ARHGAP32: variants seen among roughly 807,000 people sequenced by gnomAD.
ARHGAP32 encodes the protein rho GTPase-activating protein 32.
Under a neutral mutation model 186.5 loss-of-function variants are expected in ARHGAP32, and 51 were observed. The observed-to-expected ratio is 0.27, with a 90% CI of 0.22 to 0.35. ARHGAP32 has a LOEUF of 0.35. Ranked by LOEUF, ARHGAP32 falls within the 10% of genes least tolerant of loss-of-function variation. The pLI is 1.00. For missense variants in ARHGAP32, 2,186 were observed against 2,623.5 expected, an observed-to-expected ratio of 0.83 and a Z score of 3.64; for synonymous variants, 950 against 964.3, an observed-to-expected ratio of 0.99 and a Z score of 0.27.
At chr11:129,202,753 C>A (rs547186811) in intron 1 of ARHGAP32, among the ~76,000 whole-genome samples, 150 of 152,220 alleles carry the variant, frequency 9.9e-4, no homozygotes, top group Admixed American at 1.7e-3. Context: ...AAGGATTGCA[C>A]CAACCCAATA....
chr11:128,972,870 C>A lies in ARHGAP32; in HGVS notation c.3636G>T (p.Leu1212Phe), dbSNP rs995950948. ...AACGGGGTGGAGACTGGTCCTGATC[C>A]AAGAAGGAGACAGTTGGCATACTGT... is the stretch of plus-strand genomic sequence containing the variant. ...GKNSMPTVSF[L>F]DQDQSPPRFY... Residue 1212 changes from leucine to phenylalanine, a missense_variant, in exon 22 of 23, where the codon TTG (leucine) becomes TTT (phenylalanine). By Grantham distance (22) the Leu-to-Phe change is conservative. Coordinates refer to ENST00000682385, the MANE Select transcript of ARHGAP32 (RefSeq NM_001378024.1). 6.2e-7 allele frequency: 1 copy of A among 1,613,894 alleles called. No homozygotes were observed. Among genetic ancestry groups the A allele is most frequent in the East Asian group, 2.2e-5 (1 of 44,846 alleles).
At chr11:129,265,260 C>T (rs1320111018) in intron 1 of ARHGAP32, among the ~76,000 whole-genome samples, 2 of 152,158 alleles carry the variant, frequency 1.3e-5, no homozygotes, top group African/African-American at 2.4e-5. Flanking sequence ...CAAACACAAA[C>T]GCACTCAAAG....
At chr11:128,973,595 C>T (rs1945457538) in intron 21 of ARHGAP32, 163 bp from the exon 22 acceptor site, 1 of 716,088 alleles carries the variant, frequency 1.4e-6, no homozygotes, top group African/African-American at 1.8e-5. Context: ...CTGTTGAAAA[C>T]ACATCTGGTT....
At chr11:129,234,718 C>A (rs1455296215) in intron 1 of ARHGAP32, among the ~76,000 whole-genome samples, 1 of 152,122 alleles carries the variant, frequency 6.6e-6, no homozygotes, top group Admixed American at 6.6e-5. Context: ...AACAAAACCA[C>A]CCCTCCAGAG....
At chr11:129,066,933 A>T in intron 6 of ARHGAP32, 65 bp from the exon 7 acceptor site, 1 of 1,293,070 alleles carries the variant, frequency 7.7e-7, no homozygotes, top group South Asian at 1.4e-5. Flanking sequence ...GAATCAGGCC[A>T]TATTCTATAA....
At chr11:129,118,374 A>G (rs1942430777) in intron 5 of ARHGAP32, among the ~76,000 whole-genome samples, 1 of 152,070 alleles carries the variant, frequency 6.6e-6, no homozygotes, top group Non-Finnish European at 1.5e-5. Flanking sequence ...AAACAAAAGG[A>G]AAGTTTATGC....
chr11:129,214,223 A>C, intron 1 of ARHGAP32, among the ~76,000 whole-genome samples: 1 of 152,202 alleles, frequency 6.6e-6, no homozygotes, highest in Middle Eastern at 3.2e-3. Context: ...AAAAGTATGA[A>C]GAAACTAAAG....
At chr11:129,207,317 G>GTCTT (rs915053390) in intron 1 of ARHGAP32, among the ~76,000 whole-genome samples, 7 of 152,130 alleles carry the variant, frequency 4.6e-5, no homozygotes, top group East Asian at 1.9e-4. Context: ...TCGTCACACT[G>GTCTT]TCTTCCACAA....
rs532484184 is a variant in ARHGAP32, at chr11:129,092,061, T to C, written c.531+1560A>G. ...ATAACAAATGGTATACCAAGTAGTA[T>C]GAAATTTTTTAAGAAGCTTGACAAG... On this transcript the variant is annotated intron_variant, in intron 6 of 22. Transcript: ENST00000682385. Among the ~76,000 whole-genome samples the C allele has an allele frequency of 3.3e-3, 497 of 152,088 alleles. 1 individual carries two copies. The highest frequency in any genetic ancestry group is 0.012 in the African/African-American group (479 of 41,540).
intron 1 of ARHGAP32, among the ~76,000 whole-genome samples, chr11:129,181,496 G>C (rs962299477): frequency 2.6e-5 from 4 of 151,828 alleles, no homozygotes; most frequent in Non-Finnish European, 5.9e-5. Flanking sequence ...CTTATCATAG[G>C]GTGCAATAAA....
intron 1 of ARHGAP32, among the ~76,000 whole-genome samples, chr11:129,173,328 CA>C (rs761786419): frequency 0.018 from 2,268 of 124,658 alleles, 51 homozygotes; most frequent in African/African-American, 0.056. Flanking sequence ...ATAGACCAAC[CA>C]AAAAAAAAAA....
intron 1 of ARHGAP32, among the ~76,000 whole-genome samples, chr11:129,236,360 T>C (rs1398874622): frequency 1.3e-5 from 2 of 152,124 alleles, no homozygotes; most frequent in Non-Finnish European, 2.9e-5. Flanking sequence ...TAGACATTTG[T>C]ATACCTTCTT....
At chr11:129,242,246 C>T (rs965752403) in intron 1 of ARHGAP32, among the ~76,000 whole-genome samples, 2 of 152,104 alleles carry the variant, frequency 1.3e-5, no homozygotes, top group South Asian at 4.1e-4. Flanking sequence ...TACTCAACCC[C>T]GCAAGTGATA....
At chr11:129,172,419 G>A (rs661527) in intron 1 of ARHGAP32, among the ~76,000 whole-genome samples, 43,148 of 152,100 alleles carry the variant, frequency 0.28, 6,462 homozygotes, top group Middle Eastern at 0.4. Flanking sequence ...TGCATCTGTT[G>A]AGATAATCAT....
rs1479202843 is a variant in ARHGAP32, at chr11:128,967,728, T to C, written c.*1179A>G. On this transcript the variant is annotated 3_prime_UTR_variant, in exon 23 of 23. Transcript: ENST00000682385. Reference sequence around the variant, plus strand: ...CGACAGTAATGCCTTAGGACAGCAATAACTGCCCAGAACTCCACTGGTGAA... The same window carrying C: ...CGACAGTAATGCCTTAGGACAGCAACAACTGCCCAGAACTCCACTGGTGAA... 1 of 152,172 alleles carries C rather than the reference T, an allele frequency of 6.6e-6. No individual in the cohort carries two copies. The highest frequency in any genetic ancestry group is 1.5e-5 in the Non-Finnish European group (1 of 68,050). The allele number at this position is 152,172 out of a possible 1,614,324, so 9.4% of individuals were successfully genotyped here.
chr11:129,037,456 G>A (rs572976476), intron 11 of ARHGAP32, among the ~76,000 whole-genome samples: 10 of 151,788 alleles, frequency 6.6e-5, no homozygotes, highest in Non-Finnish European at 1.2e-4. Context: ...TCACACCATC[G>A]CACTCCAGCC....
chr11:129,162,366 A>G lies in ARHGAP32; in HGVS notation c.225+1953T>C, dbSNP rs557087487. 3.3e-5 allele frequency among the ~76,000 whole-genome samples: 5 copies of G among 152,344 alleles called. No homozygotes were observed. The South Asian group carries it at 6.2e-4, about 19-fold the overall frequency. On this transcript the variant is annotated intron_variant, in intron 2 of 22. Transcript: ENST00000682385. ...TGTTGAGGACATTGGAAGCAAATCA[A>G]TAGTCACTTAAAAAACAAGGCAAAT... is the stretch of plus-strand genomic sequence containing the variant.
At chr11:129,163,611 A>T (rs1293128003) in intron 2 of ARHGAP32, among the ~76,000 whole-genome samples, 1 of 152,024 alleles carries the variant, frequency 6.6e-6, no homozygotes, top group African/African-American at 2.4e-5. Context: ...ACCAATTCTC[A>T]CCATATGTGC....
chr11:129,206,459 T>C (rs1422336178), intron 1 of ARHGAP32, among the ~76,000 whole-genome samples: 1 of 152,190 alleles, frequency 6.6e-6, no homozygotes, highest in East Asian at 1.9e-4. Context: ...GGATCCTCCT[T>C]GCCTGGGTCT....
Sources: allele counts gnomAD v4.1 joint callset (sites outside exome capture counted in the v4.1 genomes callset), GRCh38; gene constraint gnomAD v4.1.1; transcripts MANE v1.5; gene names NCBI Gene and HGNC (gene_info 2026-07-23, HGNC 2026-07-21).